The following DUOX2 variants were observed in gnomAD, a reference collection of about 807,000 sequenced individuals.
The protein encoded by DUOX2 is NADH/NADPH thyroid oxidase p138-tox.
In DUOX2, 185 loss-of-function variants were observed where a neutral mutation model predicts 183.3. That is an observed-to-expected ratio of 1.01 (90% CI 0.90 to 1.14). DUOX2 has a LOEUF of 1.14. Among genes scored for constraint, DUOX2 ranks in the 50% most tolerant of loss-of-function variants. The pLI, the probability that DUOX2 is intolerant of heterozygous loss-of-function variation, is 0.00. For missense variants in DUOX2, 1,999 were observed against 2,022.9 expected (o/e 0.99, Z 0.23); for synonymous variants, 788 against 812.4 (o/e 0.97, Z 0.51).
At chr15:45,103,564 G>A (rs545466307) in intron 20 of DUOX2, among the ~76,000 whole-genome samples, 2 of 152,176 alleles carry the variant, frequency 1.3e-5, no homozygotes, top group African/African-American at 2.4e-5. Context: ...GATGAATAGC[G>A]GAGCAGCAAC....
chr15:45,094,745 C>A, intron 32 of DUOX2, 54 bp from the exon 33 acceptor site: 5 of 1,609,142 alleles, frequency 3.1e-6, no homozygotes, highest in Non-Finnish European at 4.2e-6. Context: ...GCACTCAGCC[C>A]GAGCCAGCCC....
At position 45,097,397 on chromosome 15, in the gene DUOX2, G is replaced by C. The variant is rs879006855; in HGVS notation, c.3694-6C>G. 3.1e-6 allele frequency: 5 copies of C among 1,614,242 alleles called. No homozygotes were observed. The South Asian group carries it at 4.4e-5, about 14-fold the overall frequency. ...TAGCTGCCATGGATGATGAGCTGGA[G>C]ACACGGCCAGTTAGTACAACTCAGG... On this transcript the variant is annotated splice_polypyrimidine_tract_variant and splice_region_variant and intron_variant, in intron 28 of 33. Coordinates refer to ENST00000389039, the MANE Select transcript of DUOX2 (RefSeq NM_001363711.2).
rs1225755412 is a variant in DUOX2, at chr15:45,106,826, G to C, written c.1831+6C>G. The C allele has an allele frequency of 2.5e-6, 4 of 1,596,990 alleles. No homozygotes were observed. The South Asian group carries it at 4.5e-5, about 18-fold the overall frequency. On this transcript the variant is annotated splice_donor_region_variant and intron_variant, in intron 15 of 33. Coordinates refer to ENST00000389039, the MANE Select transcript of DUOX2 (RefSeq NM_001363711.2). ...CAGTCTGCAGAGAGGCTGCCTAAGA[G>C]CTCACCTAAGGGAAGGCAGCAGAGA...
intron 3 of DUOX2, 57 bp from the exon 4 acceptor site, chr15:45,112,775 A>T (rs1368483206): frequency 2.5e-6 from 4 of 1,605,058 alleles, no homozygotes; most frequent in Non-Finnish European, 3.4e-6. Context: ...GGATCCCCCA[A>T]ACCTCTCCCT....
At chr15:45,095,150 G>T (rs957679927) in intron 31 of DUOX2, 59 bp from the exon 32 acceptor site, 2 of 1,576,156 alleles carry the variant, frequency 1.3e-6, no homozygotes, top group Non-Finnish European at 1.7e-6. Context: ...TAGATCCCAG[G>T]TGCCTTCACC....
chr15:45,106,273 A>G lies in DUOX2; in HGVS notation c.2000T>C (p.Leu667Pro), dbSNP rs1369629262. The G allele has an allele frequency of 1.2e-6, 2 of 1,614,076 alleles. No individual in the cohort carries two copies. The highest frequency in any genetic ancestry group is 1.3e-5 in the African/African-American group (1 of 75,032). The change falls in exon 17 of 34, where the codon CTG (leucine) becomes CCG (proline). Residue 667 changes from leucine (L) to proline (P), a missense_variant. By Grantham distance (98) the Leu-to-Pro change is moderately conservative. Transcript: ENST00000389039. ...CAGGACCTGCAGACACCTGTCTGAC[A>G]GCAGCTGGATGATGATGGGACTGCT... ...ERSSPIIIQL[L>P]SDRCLQVLNR...
Position 45,093,979 on chromosome 15 carries a change from C to T in DUOX2, c.*171G>A. On this transcript the variant is annotated 3_prime_UTR_variant, in exon 34 of 34. Transcript: ENST00000389039. ...TAGAACATAGTCTCCTGCCTTTTCT[C>T]ATTTGTATAATTGTCTGGGTCAATA... is the stretch of plus-strand genomic sequence containing the variant. 1.2e-6 allele frequency: 1 copy of T among 831,876 alleles called. No individual in the cohort carries two copies. The highest frequency in any genetic ancestry group is 1.7e-5 in the African/African-American group (1 of 58,516). The allele number at this position is 831,876 out of a possible 1,614,324, so 51.5% of individuals were successfully genotyped here.
rs1021987598 is a variant in DUOX2 at position 45,113,271 on chromosome 15, C to T, written c.70+71G>A. On this transcript the variant is annotated intron_variant, in intron 2 of 33. Transcript: ENST00000389039. ...CTTCCAGTCTCAGGGAGCCGCTTGC[C>T]GCACCTCTCCCCGCCCCACCTCCCA... 8 of 1,525,688 alleles carry T rather than the reference C, an allele frequency of 5.2e-6. No individual in the cohort carries two copies. The African/African-American group carries it at 9.6e-5, about 18-fold the overall frequency. 94.5% of individuals were successfully genotyped at this position (1,525,688 alleles called of 1,614,324 possible).
intron 16 of DUOX2, 75 bp from the exon 17 acceptor site, chr15:45,106,402 G>T: frequency 6.3e-7 from 1 of 1,597,614 alleles, no homozygotes; most frequent in South Asian, 1.1e-5. Flanking sequence ...ATTCCTCTGT[G>T]AGTCTGAGCA....
intron 29 of DUOX2, among the ~76,000 whole-genome samples, chr15:45,097,037 C>T (rs764044576): frequency 6.6e-6 from 1 of 152,356 alleles, no homozygotes; most frequent in Non-Finnish European, 1.5e-5. Flanking sequence ...TGCAAGTCTC[C>T]TGGGAGCTAA....
chr15:45,098,060 TG>T lies in DUOX2; in HGVS notation c.3516-3del, dbSNP rs745712188. 2 of 1,613,946 alleles carry T rather than the reference TG, an allele frequency of 1.2e-6. No individual in the cohort carries two copies. The highest frequency in any genetic ancestry group is 1.3e-5 in the African/African-American group (1 of 74,902). On this transcript the variant is annotated splice_region_variant and splice_polypyrimidine_tract_variant and intron_variant, in intron 26 of 33. Transcript: ENST00000389039. ...TAGAACTTCTGGGGAAGCTTGGACCTGGGGGGCAAAGGCACCTTGAGCCTCT... is the reference window on the plus strand; with the variant it reads ...TAGAACTTCTGGGGAAGCTTGGACCTGGGGGCAAAGGCACCTTGAGCCTCT...
At position 45,092,700 on chromosome 15, in the gene DUOX2, A is replaced by G. The variant is rs1199058918; in HGVS notation, c.*1450T>C. ...TTTATTTATAATCATTCAAAATTAG[A>G]AACAACCCAAACGTCCATCAACAGA... is the stretch of plus-strand genomic sequence containing the variant. On this transcript the variant is annotated 3_prime_UTR_variant, in exon 34 of 34. Coordinates refer to ENST00000389039, the MANE Select transcript of DUOX2 (RefSeq NM_001363711.2). The G allele has an allele frequency of 6.6e-6, 1 of 152,244 alleles. No individual in the cohort carries two copies. The highest frequency in any genetic ancestry group is 1.5e-5 in the Non-Finnish European group (1 of 68,036). 9.4% of individuals were successfully genotyped at this position (152,244 alleles called of 1,614,324 possible).
intron 9 of DUOX2, 31 bp from the exon 10 acceptor site, chr15:45,110,011 G>A: frequency 6.2e-7 from 1 of 1,602,268 alleles, no homozygotes; most frequent in Middle Eastern, 1.7e-4. Context: ...TGTGGTGAGG[G>A]AATTTGGAGA....
rs1466939809 is a variant in DUOX2, at chr15:45,105,970, G to T, written c.2149-142C>A. The T allele has an allele frequency of 8.0e-6, 11 of 1,381,644 alleles. 1 individual carries two copies. The South Asian group carries it at 1.4e-4, about 17-fold the overall frequency. The allele number at this position is 1,381,644 out of a possible 1,614,324, so 85.6% of individuals were successfully genotyped here. ...GCTGGGGCCAGGTGTGTGGACGAAG[G>T]GGGTCAGGTTGTGTCTGGGGGCCTC... On this transcript the variant is annotated intron_variant, in intron 17 of 33. Coordinates refer to ENST00000389039, the MANE Select transcript of DUOX2 (RefSeq NM_001363711.2).
At chr15:45,113,128 C>G in intron 2 of DUOX2, 52 bp from the exon 3 acceptor site, 1 of 1,579,110 alleles carries the variant, frequency 6.3e-7, no homozygotes, top group East Asian at 2.3e-5. Context: ...GCTACCCCTC[C>G]CGAGCAACGA....
chr15:45,094,867 G>A (rs1893859559), intron 32 of DUOX2, 69 bp downstream of exon 32: 5 of 1,606,458 alleles, frequency 3.1e-6, no homozygotes, highest in South Asian at 1.1e-5. Context: ...CACCTGCCCT[G>A]GCCATCCTGC....
intron 15 of DUOX2, 45 bp from the exon 16 acceptor site, chr15:45,106,686 A>G (rs1218362232): frequency 1.9e-6 from 3 of 1,606,858 alleles, no homozygotes; most frequent in Non-Finnish European, 2.6e-6. Flanking sequence ...CCCCTCACCT[A>G]GAGCTCCACT....
chr15:45,113,114 C>A, intron 2 of DUOX2, 38 bp from the exon 3 acceptor site: 1 of 1,594,230 alleles, frequency 6.3e-7, no homozygotes, highest in South Asian at 1.1e-5. Context: ...GCACTACGCT[C>A]CCAGCTACCC....
chr15:45,096,695 TTAAG>T (rs1893909665), intron 29 of DUOX2, among the ~76,000 whole-genome samples: 1 of 152,240 alleles, frequency 6.6e-6, no homozygotes, highest in African/African-American at 2.4e-5. Flanking sequence ...GATTTTGTCC[TTAAG>T]TAATCTCAAT....
Sources: gnomAD v4.1 joint callset for allele counts (sites outside exome capture counted in the v4.1 genomes callset) on GRCh38, gnomAD v4.1.1 for gene constraint, MANE v1.5 for transcripts, NCBI Gene and HGNC (gene_info 2026-07-23, HGNC 2026-07-21) for gene names.